ABHD14A: variants seen among roughly 807,000 people sequenced by gnomAD.
ABHD14A encodes the protein abhydrolase domain containing 14A, also known as protein ABHD14A.
In ABHD14A, 19 loss-of-function variants were observed where a neutral mutation model predicts 27.0. The observed-to-expected ratio is 0.70, with a 90% CI of 0.49 to 1.03. The LOEUF is 1.03. Ranked by LOEUF, ABHD14A falls within the 50% of genes least tolerant of loss-of-function variation. The probability of loss-of-function intolerance (pLI) is 0.00; values close to 1 mark genes in which losing one functional copy is unlikely to be tolerated. For missense variants in ABHD14A, 311 were observed against 344.6 expected (o/e 0.90, Z 0.77); for synonymous variants, 148 against 158.8 (o/e 0.93, Z 0.51).
chr3:51,977,830 A>G (rs778188313), intron 1 of ABHD14A, 41 bp from the exon 2 acceptor site: 1 of 1,561,636 alleles, frequency 6.4e-7, no homozygotes, highest in Non-Finnish European at 8.8e-7. Flanking sequence ...CCTTGTAGGG[A>G]CTCAGTTCCA....
intron 4 of ABHD14A, 29 bp from the exon 5 acceptor site, chr3:51,980,807 A>G (rs555420099): frequency 1.9e-6 from 3 of 1,599,554 alleles, no homozygotes; most frequent in East Asian, 2.2e-5. Flanking sequence ...TCAGGCCCCA[A>G]GATCACAGCC....
At chr3:51,975,341 G>A in intron 1 of ABHD14A, 137 bp downstream of exon 1, 1 of 805,634 alleles carries the variant, frequency 1.2e-6, no homozygotes, top group Non-Finnish European at 1.7e-6. Flanking sequence ...ATGTGCGCGC[G>A]TGTAATGTGT....
chr3:51,976,868 A>C (rs1333826043), intron 1 of ABHD14A, among the ~76,000 whole-genome samples: 1 of 152,118 alleles, frequency 6.6e-6, no homozygotes, highest in African/African-American at 2.4e-5. Flanking sequence ...CAAGGTCAGG[A>C]AGTGGCAGTC....
chr3:51,980,192 GA>G, intron 3 of ABHD14A, 200 bp from the exon 4 acceptor site: 1 of 676,104 alleles, frequency 1.5e-6, no homozygotes, highest in Non-Finnish European at 2.7e-6. Context: ...AAAGTGCTGG[GA>G]TTACAGGCGT....
intron 3 of ABHD14A, among the ~76,000 whole-genome samples, chr3:51,979,686 T>C (rs915880259): frequency 2.2e-4 from 34 of 151,800 alleles, no homozygotes; most frequent in African/African-American, 8.2e-4. Context: ...GGTTTCACCA[T>C]GTTGGTCAGG....
rs748322530 is a variant in ABHD14A at position 51,980,855 on chromosome 3, A to G, written c.653A>G (p.Tyr218Cys). 4.3e-6 allele frequency: 7 copies of G among 1,613,868 alleles called. No individual in the cohort carries two copies. The East Asian group carries it at 1.3e-4, about 31-fold the overall frequency. Residue 218 changes from tyrosine (Y) to cysteine (C), a missense_variant, in exon 5 of 5, where the codon TAT becomes TGT. By Grantham distance (194) the Tyr-to-Cys change is radical. Transcript: ENST00000273596. The stretch of plus-strand genomic sequence containing the variant: ...CTGCAGACTCCAACCCTTATCCTGT[A>G]TGGAGAGCTGGACCACATCCTGGCT... ...WAVKTPTLIL[Y>C]GELDHILARE... is the part of the protein sequence containing the mutation.
Position 51,980,570 on chromosome 3 carries a change from T to C in ABHD14A, c.575T>C (p.Val192Ala), listed in dbSNP as rs375013972. The C allele has an allele frequency of 1.2e-6, 2 of 1,613,808 alleles. No individual in the cohort carries two copies. The highest frequency in any genetic ancestry group is 2.7e-5 in the African/African-American group (2 of 74,872). ...MRGHHQLHGFVPIAPTSTQNY... is the reference protein window; with the variant it reads ...MRGHHQLHGFAPIAPTSTQNY... ...GGCCACCACCAGCTACATGGATTTG[T>C]GCCCATCGCACCCACCTCCACCCAG... Residue 192 changes from valine (V) to alanine (A), a missense_variant, in exon 4 of 5, where the codon GTG (valine) becomes GCG (alanine). Coordinates refer to ENST00000273596, the MANE Select transcript of ABHD14A (RefSeq NM_015407.5).
chr3:51,978,255 G>C lies in ABHD14A; in HGVS notation c.282-4G>C. On this transcript the variant is annotated splice_region_variant and splice_polypyrimidine_tract_variant and intron_variant, in intron 2 of 4. Coordinates refer to ENST00000273596, the MANE Select transcript of ABHD14A (RefSeq NM_015407.5). The stretch of plus-strand genomic sequence containing the variant: ...AGCAAACACATTCCCCTGTGTGCCT[G>C]CAGGGTGGAGGTGGTGCTGCTTCAT... 6.5e-7 allele frequency: 1 copy of C among 1,548,768 alleles called. No homozygotes were observed. Among genetic ancestry groups the C allele is most frequent in the Non-Finnish European group, 8.7e-7 (1 of 1,144,556 alleles).
chr3:51,979,508 A>G (rs1245046851), intron 3 of ABHD14A, among the ~76,000 whole-genome samples: 1 of 143,388 alleles, frequency 7.0e-6, no homozygotes, highest in Non-Finnish European at 1.5e-5. Flanking sequence ...TTTTTGAGAC[A>G]GAGCCTCGCT....
intron 3 of ABHD14A, among the ~76,000 whole-genome samples, chr3:51,979,284 C>G (rs1197890501): frequency 6.6e-6 from 1 of 152,118 alleles, no homozygotes; most frequent in Non-Finnish European, 1.5e-5. Context: ...TGCAGTGTGT[C>G]CCATAGGAGG....
Position 51,975,205 on chromosome 3 carries a change from G to T in ABHD14A, c.69+1G>T. 7.9e-7 allele frequency: 1 copy of T among 1,262,652 alleles called. No homozygotes were observed. 78.2% of individuals were successfully genotyped at this position (1,262,652 alleles called of 1,614,324 possible). A position where few individuals can be genotyped will look rare whatever the true frequency, so the allele number is the denominator to read the frequency against. ...CCGCCCGCTCATCCCGTTGGGCCCG[G>T]TGAGTCTCCCGGGGGAGGGAGGCCG... On this transcript the variant is annotated splice_donor_variant, in intron 1 of 4. Transcript: ENST00000273596. LOFTEE classifies it high-confidence loss of function.
chr3:51,978,131 TC>T, intron 2 of ABHD14A, 49 bp downstream of exon 2: 4 of 1,577,556 alleles, frequency 2.5e-6, no homozygotes, highest in Non-Finnish European at 3.5e-6. Context: ...TCAAGGGGAG[TC>T]CCTGTGTGGG....
Position 51,977,852 on chromosome 3 carries a change from C to T in ABHD14A, c.70-19C>T, listed in dbSNP as rs2106813081. The T allele has an allele frequency of 6.3e-7, 1 of 1,597,962 alleles. No homozygotes were observed. The highest frequency in any genetic ancestry group is 8.6e-7 in the Non-Finnish European group (1 of 1,166,970). On this transcript the variant is annotated intron_variant, in intron 1 of 4. Transcript: ENST00000273596. ...GGGACTCAGTTCCAGCCTCTTTTCC[C>T]TCTCCTCTCCCTCTCCAGACTGTGG...
rs750847567 is a variant in ABHD14A at position 51,981,048 on chromosome 3, A to G, written c.*30A>G. The G allele has an allele frequency of 1.8e-5, 28 of 1,597,370 alleles. No homozygotes were observed. In the South Asian group the frequency reaches 3.1e-4, roughly 18 times the overall value. Reference sequence around the variant, plus strand: ...ACCCACTCCCAGCTCCCAGCCTGGCATGAGCTTGGACAGTCTGGACCGCCA... The same window carrying G: ...ACCCACTCCCAGCTCCCAGCCTGGCGTGAGCTTGGACAGTCTGGACCGCCA... On this transcript the variant is annotated 3_prime_UTR_variant, in exon 5 of 5. Transcript: ENST00000273596.
chr3:51,978,237 A>G, intron 2 of ABHD14A, 22 bp from the exon 3 acceptor site: 1 of 1,544,272 alleles, frequency 6.5e-7, no homozygotes, highest in Non-Finnish European at 8.8e-7. Context: ...CCCAGCAAAC[A>G]CATTCCCCTG....
chr3:51,980,571 G>A lies in ABHD14A; in HGVS notation c.576G>A (p.Val192=). 6.2e-7 allele frequency: 1 copy of A among 1,611,016 alleles called. No individual in the cohort carries two copies. Among genetic ancestry groups the A allele is most frequent in the South Asian group, 1.1e-5 (1 of 90,938 alleles). Residue 192 remains valine, a synonymous_variant, in exon 4 of 5, where the codon GTG becomes GTA. Transcript: ENST00000273596. The part of the protein sequence containing the change: ...MRGHHQLHGF[V]PIAPTSTQNY... ...GCCACCACCAGCTACATGGATTTGT[G>A]CCCATCGCACCCACCTCCACCCAGA...
At chr3:51,975,316 G>A in intron 1 of ABHD14A, 112 bp downstream of exon 1, 1 of 1,065,692 alleles carries the variant, frequency 9.4e-7, no homozygotes, top group South Asian at 4.4e-5. Flanking sequence ...GCAGACGCTG[G>A]GGCCGCGAAT....
At chr3:51,975,596 C>T (rs323897) in intron 1 of ABHD14A, among the ~76,000 whole-genome samples, 11,399 of 151,416 alleles carry the variant, frequency 0.075, 1,438 homozygotes, top group African/African-American at 0.26. Flanking sequence ...TGTGTGTGTG[C>T]GTGTCTGCTT....
chr3:51,977,828 G>C (rs1700817579), intron 1 of ABHD14A, 43 bp from the exon 2 acceptor site: 1 of 1,556,918 alleles, frequency 6.4e-7, no homozygotes, highest in Admixed American at 1.7e-5. Flanking sequence ...GTCCTTGTAG[G>C]GACTCAGTTC....
Sources: gnomAD v4.1 joint callset for allele counts (sites outside exome capture counted in the v4.1 genomes callset) on GRCh38, gnomAD v4.1.1 for gene constraint, MANE v1.5 for transcripts, NCBI Gene and HGNC (gene_info 2026-07-23, HGNC 2026-07-21) for gene names.